The following SPTLC2 variants were observed in gnomAD, a reference collection of about 807,000 sequenced individuals.
SPTLC2 encodes serine palmitoyltransferase long chain base subunit 2.
In SPTLC2, 21 loss-of-function variants were observed where a neutral mutation model predicts 62.0. The observed-to-expected ratio is 0.34, with a 90% CI of 0.24 to 0.49. The LOEUF is 0.49. SPTLC2 is among the 20% of genes least tolerant of loss of function. The pLI is 0.99. For synonymous variants in SPTLC2, 261 were observed against 261.8 expected (o/e 1.00, Z 0.03); for missense variants, 511 against 713.0 (o/e 0.72, Z 3.23).
At chr14:77,541,697 A>G (rs1470560649) in intron 9 of SPTLC2, among the ~76,000 whole-genome samples, 1 of 152,200 alleles carries the variant, frequency 6.6e-6, no homozygotes, top group African/African-American at 2.4e-5. Flanking sequence ...CTCTTGTCAC[A>G]CTTTCCAGAT....
At position 77,555,363 on chromosome 14, in the gene SPTLC2, A is replaced by G. The variant is rs977609952; in HGVS notation, c.1113T>C (p.Asp371=). ...EYFGLDPEDV[D]VMMGTFTKSF... ...TCTTTGTGAACGTTCCCATCATAAC[A>G]TCCACATCCTCGGGATCCAGGCCAA... The change falls in exon 8 of 12, where the codon GAT becomes GAC. Residue 371 remains aspartate (D), a synonymous_variant. Transcript: ENST00000216484. 1.9e-6 allele frequency: 3 copies of G among 1,613,900 alleles called. No individual in the cohort carries two copies. In the African/African-American group the frequency reaches 4.0e-5, roughly 22 times the overall value.
intron 9 of SPTLC2, among the ~76,000 whole-genome samples, chr14:77,538,579 CT>C (rs113209668): frequency 1.3e-5 from 2 of 151,596 alleles, no homozygotes; most frequent in Admixed American, 6.6e-5. Flanking sequence ...TCTATATAAA[CT>C]TTTTTTTTGA....
chr14:77,542,228 C>A (rs1452827311), intron 9 of SPTLC2, among the ~76,000 whole-genome samples: 1 of 151,754 alleles, frequency 6.6e-6, no homozygotes, highest in African/African-American at 2.4e-5. Context: ...GAATTTATTT[C>A]TTTTGTGTTT....
chr14:77,515,344 A>C (rs1435364334), intron 11 of SPTLC2, among the ~76,000 whole-genome samples: 1 of 152,142 alleles, frequency 6.6e-6, no homozygotes, highest in Non-Finnish European at 1.5e-5. Flanking sequence ...TTTTTTTCTG[A>C]GAAATGCTGA....
chr14:77,579,344 C>T (rs1457296398), intron 2 of SPTLC2, among the ~76,000 whole-genome samples: 1 of 152,168 alleles, frequency 6.6e-6, no homozygotes, highest in Non-Finnish European at 1.5e-5. Flanking sequence ...CTCACCCTTC[C>T]AAGTCTCCAC....
intron 2 of SPTLC2, among the ~76,000 whole-genome samples, chr14:77,582,792 G>T (rs1378328071): frequency 6.6e-6 from 1 of 152,188 alleles, no homozygotes; most frequent in Non-Finnish European, 1.5e-5. Flanking sequence ...ACCAAAAGCG[G>T]GTGGCATAGA....
In SPTLC2 at chr14:77,512,234, C is replaced by T. The variant is rs752147372; in HGVS notation, c.*50G>A. 1.2e-6 allele frequency: 2 copies of T among 1,612,252 alleles called. No homozygotes were observed. Among genetic ancestry groups the T allele is most frequent in the Non-Finnish European group, 1.7e-6 (2 of 1,179,798 alleles). ...TCCTGGAACTGGCTCACAAAGGCCACAGGCTGTCCTGGGTGAGGGAGAGTT... is the reference window on the plus strand; with the variant it reads ...TCCTGGAACTGGCTCACAAAGGCCATAGGCTGTCCTGGGTGAGGGAGAGTT... On this transcript the variant is annotated 3_prime_UTR_variant, in exon 12 of 12. Transcript: ENST00000216484.
At position 77,510,962 on chromosome 14, in the gene SPTLC2, G is replaced by C. The variant is rs534112778; in HGVS notation, c.*1322C>G. The C allele has an allele frequency of 8.5e-5, 13 of 152,728 alleles. No individual in the cohort carries two copies. In the South Asian group the frequency reaches 2.5e-3, roughly 29 times the overall value. The allele number at this position is 152,728 out of a possible 1,614,324, so 9.5% of individuals were successfully genotyped here. On this transcript the variant is annotated 3_prime_UTR_variant, in exon 12 of 12. Transcript: ENST00000216484. The stretch of plus-strand genomic sequence containing the variant: ...TTCAGATTTGTTCTTTGGTCAGGCA[G>C]TATAAAGCTCTCTGAAAGAAGTCCC...
intron 1 of SPTLC2, among the ~76,000 whole-genome samples, chr14:77,612,037 T>G (rs765558774): frequency 1.4e-4 from 22 of 152,204 alleles, no homozygotes; most frequent in Admixed American, 1.2e-3. Flanking sequence ...TACTTTTTTA[T>G]CGGTCACAAA....
chr14:77,513,976 G>A (rs1044008806), intron 11 of SPTLC2, among the ~76,000 whole-genome samples: 5 of 151,738 alleles, frequency 3.3e-5, no homozygotes, highest in South Asian at 2.1e-4. Flanking sequence ...CAAGGCAGGC[G>A]GACTGCTTGA....
At chr14:77,520,847 C>T (rs1380665195) in intron 10 of SPTLC2, among the ~76,000 whole-genome samples, 1 of 152,216 alleles carries the variant, frequency 6.6e-6, no homozygotes, top group East Asian at 1.9e-4. Flanking sequence ...CGCCCTGGGG[C>T]ACGGTGCTCC....
chr14:77,603,043 T>C (rs905012922), intron 1 of SPTLC2, among the ~76,000 whole-genome samples: 2 of 152,206 alleles, frequency 1.3e-5, no homozygotes, highest in East Asian at 3.8e-4. Context: ...TCAGAAGAAA[T>C]GATCCTGAAT....
chr14:77,583,215 A>C (rs1475507753), intron 2 of SPTLC2, among the ~76,000 whole-genome samples: 1 of 148,984 alleles, frequency 6.7e-6, no homozygotes, highest in African/African-American at 2.4e-5. Context: ...ATAAATAAAT[A>C]AATAAATAAA....
chr14:77,587,735 C>T (rs146322821), intron 2 of SPTLC2, among the ~76,000 whole-genome samples: 2,848 of 146,418 alleles, frequency 0.019, 95 homozygotes, highest in African/African-American at 0.065. Context: ...CCAGCCTGGG[C>T]GACAAGAGCA....
chr14:77,567,709 A>G (rs1033225390), intron 5 of SPTLC2, among the ~76,000 whole-genome samples: 1 of 152,004 alleles, frequency 6.6e-6, no homozygotes, highest in African/African-American at 2.4e-5. Flanking sequence ...TGGTTTCACT[A>G]ATTTTCCTAT....
intron 6 of SPTLC2, among the ~76,000 whole-genome samples, chr14:77,561,519 G>C (rs1363509313): frequency 6.6e-6 from 1 of 151,814 alleles, no homozygotes; most frequent in Non-Finnish European, 1.5e-5. Flanking sequence ...GCTGAGGCAG[G>C]AGAATCGCTT....
Position 77,513,774 on chromosome 14 carries a change from A to G in SPTLC2, c.1570-1371T>C, listed in dbSNP as rs563128964. ...GCTGGGCGTGGTGGCACATGCCTGTAATCCCAGCTACTCGGGAGGCTGAGG... is the reference window on the plus strand; with the variant it reads ...GCTGGGCGTGGTGGCACATGCCTGTGATCCCAGCTACTCGGGAGGCTGAGG... On this transcript the variant is annotated intron_variant, in intron 11 of 11. Coordinates refer to ENST00000216484, the MANE Select transcript of SPTLC2 (RefSeq NM_004863.4). 7.2e-5 allele frequency among the ~76,000 whole-genome samples: 11 copies of G among 152,120 alleles called. No individual in the cohort carries two copies. The East Asian group carries it at 1.9e-3, about 27-fold the overall frequency.
intron 3 of SPTLC2, among the ~76,000 whole-genome samples, chr14:77,577,208 G>C (rs983391937): frequency 7.3e-6 from 1 of 137,134 alleles, no homozygotes; most frequent in Non-Finnish European, 1.7e-5. Context: ...CAGTTTGGCA[G>C]TACTTATCCA....
chr14:77,611,137 C>CAAA (rs71128656), intron 1 of SPTLC2, among the ~76,000 whole-genome samples: 3,651 of 126,464 alleles, frequency 0.029, 71 homozygotes, highest in Non-Finnish European at 0.038. Context: ...ACTAAAAATA[C>CAAA]AAAAAAAAAA....
Sources: gnomAD v4.1 joint callset for allele counts (sites outside exome capture counted in the v4.1 genomes callset) on GRCh38, gnomAD v4.1.1 for gene constraint, MANE v1.5 for transcripts, NCBI Gene and HGNC (gene_info 2026-07-23, HGNC 2026-07-21) for gene names.